The following FIP1L1 variants were observed in gnomAD, a reference collection of about 807,000 sequenced individuals.
FIP1L1 encodes the protein factor interacting with PAPOLA and CPSF1, also known as pre-mRNA 3'-end-processing factor FIP1.
A neutral mutation model predicts 84.6 loss-of-function variants in FIP1L1; 21 were observed. The ratio of observed to expected loss-of-function variants is 0.25; its 90% CI spans 0.18 to 0.36. The LOEUF (loss-of-function observed/expected upper bound fraction) is 0.36, where lower values mean the gene tolerates loss of function less well. FIP1L1 is among the 10% of genes least tolerant of loss of function. FIP1L1 has a pLI of 1.00. For missense variants in FIP1L1, 526 were observed against 751.1 expected, an observed-to-expected ratio of 0.70 and a Z score of 3.50; for synonymous variants, 263 against 242.3, an observed-to-expected ratio of 1.09 and a Z score of -0.80.
chr4:53,405,260 T>C (rs1287435569), intron 10 of FIP1L1, among the ~76,000 whole-genome samples: 1 of 151,966 alleles, frequency 6.6e-6, no homozygotes, highest in African/African-American at 2.4e-5. Context: ...ATTTATTAAA[T>C]AGGGAATCCT....
At chr4:53,382,440 G>C in intron 4 of FIP1L1, 105 bp downstream of exon 4, 1 of 818,118 alleles carries the variant, frequency 1.2e-6, no homozygotes, top group Non-Finnish European at 2.1e-6. Context: ...TCAGTATCAG[G>C]TGTTATCTGG....
intron 2 of FIP1L1, 42 bp downstream of exon 2, chr4:53,379,159 GTTTC>G (rs1560477551): frequency 1.9e-6 from 3 of 1,609,832 alleles, no homozygotes; most frequent in Middle Eastern, 1.7e-4. Flanking sequence ...CATAATACTA[GTTTC>G]TTTAAGAGTG....
chr4:53,378,055 A>G, intron 1 of FIP1L1, 132 bp downstream of exon 1: 1 of 796,938 alleles, frequency 1.3e-6, no homozygotes, highest in Non-Finnish European at 1.8e-6. Flanking sequence ...GGCCTGACTT[A>G]GGCCGAGCGC....
At chr4:53,427,628 A>G (rs1300400267) in intron 12 of FIP1L1, among the ~76,000 whole-genome samples, 1 of 152,182 alleles carries the variant, frequency 6.6e-6, no homozygotes, top group Non-Finnish European at 1.5e-5. Flanking sequence ...TCTTAAGGCC[A>G]GTGTCTGTGA....
At chr4:53,383,644 A>C in intron 4 of FIP1L1, 129 bp from the exon 5 acceptor site, 1 of 881,094 alleles carries the variant, frequency 1.1e-6, no homozygotes, top group Non-Finnish European at 1.6e-6. Flanking sequence ...CCGGGGCGAC[A>C]AAGTGAGAGT....
intron 13 of FIP1L1, among the ~76,000 whole-genome samples, chr4:53,439,420 T>A (rs1164771351): frequency 1.3e-5 from 2 of 152,088 alleles, no homozygotes; most frequent in Non-Finnish European, 1.5e-5. Context: ...GTCTCTTTTT[T>A]AAGGCCATTT....
intron 11 of FIP1L1, among the ~76,000 whole-genome samples, chr4:53,424,962 G>A (rs988742160): frequency 1.4e-4 from 22 of 152,186 alleles, no homozygotes; most frequent in East Asian, 1.3e-3. Flanking sequence ...ACCTATGGTA[G>A]CTGCTGTTAT....
At chr4:53,435,990 G>T (rs1363085092) in intron 13 of FIP1L1, among the ~76,000 whole-genome samples, 1 of 152,204 alleles carries the variant, frequency 6.6e-6, no homozygotes, top group Admixed American at 6.5e-5. Flanking sequence ...TACAAGTCAT[G>T]AGACTTAAGG....
At chr4:53,401,798 C>A in intron 10 of FIP1L1, among the ~76,000 whole-genome samples, 1 of 152,204 alleles carries the variant, frequency 6.6e-6, no homozygotes, top group Middle Eastern at 3.4e-3. Flanking sequence ...GCCTATTGGA[C>A]GTGCAAGTGG....
chr4:53,404,128 T>C (rs911565243), intron 10 of FIP1L1, among the ~76,000 whole-genome samples: 12 of 151,170 alleles, frequency 7.9e-5, no homozygotes, highest in Non-Finnish European at 1.5e-4. Context: ...TCATTTAGAA[T>C]TAGGTATATC....
At position 53,379,094 on chromosome 4, in the gene FIP1L1, A is replaced by G; in HGVS notation, c.107A>G (p.His36Arg). Reference sequence around the variant, plus strand: ...ATAGGCCCATGGGACGTGCATGTGCACAGTGATTTGGCAAAGGACCTAGGT... The same window carrying G: ...ATAGGCCCATGGGACGTGCATGTGCGCAGTGATTTGGCAAAGGACCTAGGT... ...LYGGPWDVHVHSDLAKDLDEN... is the reference protein window; with the variant it reads ...LYGGPWDVHVRSDLAKDLDEN... Residue 36 changes from histidine (H) to arginine (R), a missense_variant, in exon 2 of 18, where the codon CAC (histidine) becomes CGC (arginine). Physicochemically the swap from His to Arg is conservative, Grantham distance 29 (BLOSUM62 0). Transcript: ENST00000337488. The G allele has an allele frequency of 6.2e-7, 1 of 1,614,158 alleles. No homozygotes were observed. The highest frequency in any genetic ancestry group is 8.5e-7 in the Non-Finnish European group (1 of 1,179,996).
At chr4:53,386,251 C>A (rs1741030783) in intron 5 of FIP1L1, among the ~76,000 whole-genome samples, 1 of 152,000 alleles carries the variant, frequency 6.6e-6, no homozygotes, top group Admixed American at 6.6e-5. Flanking sequence ...AGATAATGTG[C>A]CTTTATCAAA....
In FIP1L1 at chr4:53,399,791, A is replaced by T. The variant is rs1284546737; in HGVS notation, c.767A>T (p.Glu256Val). ...ACTGCCCTTCCATCTACAAAAGCTG[A>T]GTTTACTTCTCCTCCTTCTTTGTTC... ...KETALPSTKA[E>V]FTSPPSLFKT... The change falls in exon 10 of 18, where the codon GAG (glutamate) becomes GTG (valine). Residue 256 changes from glutamate to valine, a missense_variant. By Grantham distance (121) the Glu-to-Val change is moderately radical. Coordinates refer to ENST00000337488, the MANE Select transcript of FIP1L1 (RefSeq NM_030917.4). 3.1e-6 allele frequency: 5 copies of T among 1,613,638 alleles called. No homozygotes were observed. The Admixed American group carries it at 8.3e-5, about 27-fold the overall frequency.
chr4:53,407,634 A>G (rs1250519207), intron 10 of FIP1L1, among the ~76,000 whole-genome samples: 4 of 151,974 alleles, frequency 2.6e-5, no homozygotes, highest in Non-Finnish European at 4.4e-5. Flanking sequence ...TTTTTATTGT[A>G]TGGGAGTCTA....
intron 13 of FIP1L1, chr4:53,440,515 A>T: frequency 1.0e-6 from 1 of 986,714 alleles, no homozygotes; most frequent in Non-Finnish European, 1.5e-6. Context: ...TGTTTTGGTG[A>T]TGGCATAAAT....
In FIP1L1 at chr4:53,382,306, G is replaced by A; in HGVS notation, c.199G>A (p.Glu67Lys). The change falls in exon 4 of 18, where the codon GAA (glutamate) becomes AAA (lysine). Residue 67 changes from glutamate to lysine, a missense_variant. Around this residue, in one of 6 missense-constraint regions of FIP1L1, gnomAD observed 100 missense variants for 107.2 expected, o/e 0.93. Coordinates refer to ENST00000337488, the MANE Select transcript of FIP1L1 (RefSeq NM_030917.4). Reference sequence around the variant, plus strand: ...TAATCCTCCATCTGGAATTGAAGATGAAACTGCTGAAAATGGTGTACCAAA... The same window carrying A: ...TAATCCTCCATCTGGAATTGAAGATAAAACTGCTGAAAATGGTGTACCAAA... The part of the protein sequence containing the change: ...SANPPSGIED[E>K]TAENGVPKPK... 1 of 1,613,772 alleles carries A rather than the reference G, an allele frequency of 6.2e-7. No homozygotes were observed. Among genetic ancestry groups the A allele is most frequent in the Non-Finnish European group, 8.5e-7 (1 of 1,179,724 alleles).
At position 53,442,661 on chromosome 4, in the gene FIP1L1, C is replaced by A. The variant is rs944465193; in HGVS notation, c.1183C>A (p.Pro395Thr). 1 of 1,603,272 alleles carries A rather than the reference C, an allele frequency of 6.2e-7. No individual in the cohort carries two copies. The highest frequency in any genetic ancestry group is 1.1e-5 in the South Asian group (1 of 90,754). Reference sequence around the variant, plus strand: ...ATGATTGAATGTTTCAGGTTTTCCTCCTCCACCAGGCGCTCCACCTCCATC... The same window carrying A: ...ATGATTGAATGTTTCAGGTTTTCCTACTCCACCAGGCGCTCCACCTCCATC... ...PPLIPPPGFP[P>T]PPGAPPPSLI... The change falls in exon 14 of 18, where the codon CCT (proline) becomes ACT (threonine). Residue 395 changes from proline (P) to threonine (T), a missense_variant. Pro to Thr is a conservative substitution (Grantham distance 38, BLOSUM62 -1). This residue lies in a region of FIP1L1 where 83 missense variants were observed against 93.8 expected (regional missense o/e 0.88). Coordinates refer to ENST00000337488, the MANE Select transcript of FIP1L1 (RefSeq NM_030917.4).
intron 13 of FIP1L1, among the ~76,000 whole-genome samples, chr4:53,436,868 T>G (rs748454197): frequency 1.3e-5 from 2 of 152,128 alleles, no homozygotes; most frequent in Non-Finnish European, 2.9e-5. Context: ...CCCCACCCAC[T>G]TTTACATTTA....
chr4:53,381,400 G>A lies in FIP1L1; in HGVS notation c.171-878G>A, dbSNP rs1240552545. Among the ~76,000 whole-genome samples, 3 of 152,054 alleles carry A rather than the reference G, an allele frequency of 2.0e-5. 1 individual carries two copies. Among genetic ancestry groups the A allele is most frequent in the African/African-American group, 7.2e-5 (3 of 41,394 alleles). On this transcript the variant is annotated intron_variant, in intron 3 of 17. Transcript: ENST00000337488. The stretch of plus-strand genomic sequence containing the variant: ...ATTGTGTTATATCTATCCAAGTTTT[G>A]ACTAAAGAAGGGATACTGTTTTGTG...
Sources: allele counts gnomAD v4.1 joint callset (sites outside exome capture counted in the v4.1 genomes callset), GRCh38; gene constraint gnomAD v4.1.1; regional missense constraint gnomAD v4.1.1; transcripts MANE v1.5; gene names NCBI Gene and HGNC (gene_info 2026-07-23, HGNC 2026-07-21).